Variants in ZNF257 observed in about 807,000 individuals in gnomAD.
ZNF257 encodes the protein zinc finger protein 257.
In ZNF257, 12 loss-of-function variants were observed where a neutral mutation model predicts 11.9. The ratio of observed to expected loss-of-function variants is 1.01; its 90% CI spans 0.65 to 1.63. ZNF257 has a LOEUF of 1.63. Among genes scored for constraint, ZNF257 ranks in the 40% most tolerant of loss-of-function variants. The pLI is 0.00. For missense variants in ZNF257, 580 were observed against 665.5 expected (o/e 0.87, Z 1.41); for synonymous variants, 183 against 222.7 (o/e 0.82, Z 1.59).
intron 3 of ZNF257, among the ~76,000 whole-genome samples, chr19:22,080,391 A>G (rs1047809525): frequency 2.0e-5 from 3 of 152,116 alleles, no homozygotes; most frequent in African/African-American, 4.8e-5. Context: ...TTTACATTCT[A>G]TTAATTCAAA....
intron 3 of ZNF257, among the ~76,000 whole-genome samples, chr19:22,082,280 G>T (rs1371512204): frequency 6.6e-6 from 1 of 152,028 alleles, no homozygotes; most frequent in African/African-American, 2.4e-5. Context: ...TAATAGAGAG[G>T]TTTATATTTA....
chr19:22,076,114 T>C (rs1167682048), intron 3 of ZNF257, among the ~76,000 whole-genome samples: 1 of 152,064 alleles, frequency 6.6e-6, no homozygotes, highest in African/African-American at 2.4e-5. Context: ...CCATATTTAC[T>C]AATATAGTTA....
At chr19:22,054,098 A>C (rs2021559871) in intron 1 of ZNF257, among the ~76,000 whole-genome samples, 1 of 143,944 alleles carries the variant, frequency 6.9e-6, no homozygotes, top group Non-Finnish European at 1.5e-5. Context: ...TTTAAGAAGG[A>C]GTTTCACTCT....
At chr19:22,071,408 C>T (rs1307248064) in intron 1 of ZNF257, among the ~76,000 whole-genome samples, 2 of 151,742 alleles carry the variant, frequency 1.3e-5, no homozygotes, top group East Asian at 1.9e-4. Context: ...GGCATATTCT[C>T]GAGATGCAGG....
intron 1 of ZNF257, among the ~76,000 whole-genome samples, chr19:22,063,165 A>G (rs1004215260): frequency 6.6e-6 from 1 of 152,198 alleles, no homozygotes; most frequent in Non-Finnish European, 1.5e-5. Context: ...AGAGATGTGC[A>G]TAGTAGACTT....
intron 1 of ZNF257, among the ~76,000 whole-genome samples, chr19:22,060,075 T>G (rs143224045): frequency 0.012 from 1,807 of 152,352 alleles, 18 homozygotes; most frequent in Non-Finnish European, 0.02. Flanking sequence ...GCATTTAGGT[T>G]GATTCCATGT....
At chr19:22,060,284 A>G (rs539187749) in intron 1 of ZNF257, among the ~76,000 whole-genome samples, 1 of 152,194 alleles carries the variant, frequency 6.6e-6, no homozygotes, top group Non-Finnish European at 1.5e-5. Flanking sequence ...GTGTATAAGC[A>G]TTCCTTTTAC....
rs375976866 is a variant in ZNF257 at position 22,088,747 on chromosome 19, C to T, written c.997C>T (p.Arg333Ter). Residue 333 changes from arginine to a stop codon, truncating the protein, a stop_gained, in exon 4 of 4, where the codon CGA becomes TGA. Coordinates refer to ENST00000594947, the MANE Select transcript of ZNF257 (RefSeq NM_033468.4). LOFTEE classifies it low-confidence loss of function (END_TRUNC). ...CTTTAACCAGTCCTCAGCCCTTACTCGACATAAGATGATTCATACTGGAGA... is the reference window on the plus strand; with the variant it reads ...CTTTAACCAGTCCTCAGCCCTTACTTGACATAAGATGATTCATACTGGAGA... The part of the protein sequence containing the change: ...KAFNQSSALT[R>*]HKMIHTGEKP... 1.1e-4 allele frequency: 172 copies of T among 1,609,774 alleles called. 1 individual carries two copies. In the South Asian group the frequency reaches 1.4e-3, roughly 13 times the overall value.
intron 3 of ZNF257, among the ~76,000 whole-genome samples, chr19:22,074,964 T>C (rs2022193378): frequency 6.6e-6 from 1 of 152,202 alleles, no homozygotes; most frequent in South Asian, 2.1e-4. Flanking sequence ...GTGCACAATA[T>C]AATTTTGCAT....
rs774305590 is a variant in ZNF257, at chr19:22,088,958, A to G, written c.1208A>G (p.Asp403Gly). The part of the protein sequence containing the change: ...IHTREKAYKC[D>G]EYCKAFNWSS... ...ACTAGAGAGAAGGCCTACAAATGTG[A>G]TGAATATTGCAAAGCTTTTAACTGG... The change falls in exon 4 of 4, where the codon GAT (aspartate) becomes GGT (glycine). Residue 403 changes from aspartate (D) to glycine (G), a missense_variant. Physicochemically the swap from Asp to Gly is moderately conservative, Grantham distance 94 (BLOSUM62 -1). Coordinates refer to ENST00000594947, the MANE Select transcript of ZNF257 (RefSeq NM_033468.4). 1 of 1,612,400 alleles carries G rather than the reference A, an allele frequency of 6.2e-7. No homozygotes were observed. Among genetic ancestry groups the G allele is most frequent in the Admixed American group, 1.7e-5 (1 of 59,830 alleles).
chr19:22,080,252 T>G (rs2145712138), intron 3 of ZNF257, among the ~76,000 whole-genome samples: 1 of 152,262 alleles, frequency 6.6e-6, no homozygotes, highest in South Asian at 2.1e-4. Flanking sequence ...AGTGTTGGGG[T>G]TATAGGCATG....
chr19:22,066,992 CTG>C (rs2021965024), intron 1 of ZNF257, among the ~76,000 whole-genome samples: 1 of 152,168 alleles, frequency 6.6e-6, no homozygotes, highest in Non-Finnish European at 1.5e-5. Flanking sequence ...ATTCCAGACA[CTG>C]TCTAGAATTA....
chr19:22,076,308 T>C (rs576965374), intron 3 of ZNF257, among the ~76,000 whole-genome samples: 1 of 150,334 alleles, frequency 6.7e-6, no homozygotes, highest in Non-Finnish European at 1.5e-5. Context: ...AATACATATA[T>C]TAATTACATA....
intron 1 of ZNF257, among the ~76,000 whole-genome samples, chr19:22,059,463 T>G (rs940661341): frequency 2.0e-5 from 3 of 151,994 alleles, no homozygotes; most frequent in Admixed American, 1.3e-4. Flanking sequence ...AATTTTTGTA[T>G]TTTTGGAGGG....
At position 22,089,671 on chromosome 19, in the gene ZNF257, C is replaced by T. The variant is rs771935173; in HGVS notation, c.*229C>T. 9.9e-6 allele frequency: 11 copies of T among 1,109,984 alleles called. No individual in the cohort carries two copies. The highest frequency in any genetic ancestry group is 1.3e-5 in the Non-Finnish European group (11 of 822,160). The allele number at this position is 1,109,984 out of a possible 1,614,324, so 68.8% of individuals were successfully genotyped here. On this transcript the variant is annotated 3_prime_UTR_variant, in exon 4 of 4. Coordinates refer to ENST00000594947, the MANE Select transcript of ZNF257 (RefSeq NM_033468.4). Reference sequence around the variant, plus strand: ...GCCTCTTCCCAGTTCTCAACTCTTACTAAACATGAGAACACATGTGGAAGA... The same window carrying T: ...GCCTCTTCCCAGTTCTCAACTCTTATTAAACATGAGAACACATGTGGAAGA...
chr19:22,064,526 A>G (rs761461669), intron 1 of ZNF257, among the ~76,000 whole-genome samples: 3 of 152,236 alleles, frequency 2.0e-5, no homozygotes, highest in Non-Finnish European at 4.4e-5. Context: ...AAATTTAGCC[A>G]TACAGAATGA....
intron 1 of ZNF257, among the ~76,000 whole-genome samples, chr19:22,071,458 A>G (rs2022100375): frequency 6.6e-6 from 1 of 151,932 alleles, no homozygotes. Flanking sequence ...CAAGAATTCC[A>G]GAGGAGAAGG....
At position 22,089,223 on chromosome 19, in the gene ZNF257, A is replaced by G. The variant is rs1599677635; in HGVS notation, c.1473A>G (p.Glu491=). 1 of 1,606,830 alleles carries G rather than the reference A, an allele frequency of 6.2e-7. No individual in the cohort carries two copies. The highest frequency in any genetic ancestry group is 2.3e-5 in the East Asian group (1 of 44,368). The change falls in exon 4 of 4, where the codon GAA becomes GAG. Residue 491 remains glutamate, a synonymous_variant. Transcript: ENST00000594947. ...HTGEKPYKCE[E]CGKAFNRSSH... Reference sequence around the variant, plus strand: ...GGGAGAAGCCCTACAAATGTGAAGAATGTGGCAAAGCCTTTAACCGGTCTT... The same window carrying G: ...GGGAGAAGCCCTACAAATGTGAAGAGTGTGGCAAAGCCTTTAACCGGTCTT...
At chr19:22,068,796 G>T (rs1280451344) in intron 1 of ZNF257, among the ~76,000 whole-genome samples, 1 of 152,178 alleles carries the variant, frequency 6.6e-6, no homozygotes, top group Admixed American at 6.5e-5. Flanking sequence ...AATCAGGACA[G>T]GTGATCCAGG....
Sources: allele counts gnomAD v4.1 joint callset (sites outside exome capture counted in the v4.1 genomes callset), GRCh38; gene constraint gnomAD v4.1.1; transcripts MANE v1.5; gene names NCBI Gene and HGNC (gene_info 2026-07-23, HGNC 2026-07-21).